Variants in MYRIP observed in about 807,000 individuals in gnomAD.
The protein encoded by MYRIP is myosin VIIA and Rab interacting protein.
In MYRIP, 49 loss-of-function variants were observed where a neutral mutation model predicts 98.0. The observed-to-expected ratio is 0.50, with a 90% CI of 0.40 to 0.63. MYRIP has a LOEUF of 0.63. MYRIP is among the 30% of genes least tolerant of loss of function. The pLI, the probability that MYRIP is intolerant of heterozygous loss-of-function variation, is 0.00. For missense variants in MYRIP, 1,004 were observed against 1,058.2 expected, an observed-to-expected ratio of 0.95 and a Z score of 0.71; for synonymous variants, 404 against 409.5, an observed-to-expected ratio of 0.99 and a Z score of 0.16.
At chr3:40,096,022 A>G (rs1375274104) in intron 3 of MYRIP, among the ~76,000 whole-genome samples, 1 of 150,462 alleles carries the variant, frequency 6.6e-6, no homozygotes, top group Non-Finnish European at 1.5e-5. Flanking sequence ...ACTCCATACC[A>G]TAACACTCCA....
In MYRIP at chr3:40,167,139, C is replaced by G; in HGVS notation, c.649-20C>G. The G allele has an allele frequency of 6.2e-7, 1 of 1,612,362 alleles. No homozygotes were observed. Among genetic ancestry groups the G allele is most frequent in the Non-Finnish European group, 8.5e-7 (1 of 1,178,426 alleles). ...CCCCAAATCCACCCACAGCACACAGCCATTCTCTTCCCTCCTCAGGACAAG... is the reference window on the plus strand; with the variant it reads ...CCCCAAATCCACCCACAGCACACAGGCATTCTCTTCCCTCCTCAGGACAAG... On this transcript the variant is annotated intron_variant, in intron 6 of 16. Coordinates refer to ENST00000302541, the MANE Select transcript of MYRIP (RefSeq NM_015460.4).
At chr3:40,082,259 A>G (rs1052462178) in intron 3 of MYRIP, among the ~76,000 whole-genome samples, 3 of 152,230 alleles carry the variant, frequency 2.0e-5, no homozygotes, top group Non-Finnish European at 2.9e-5. Context: ...ATGTCCAAGG[A>G]ATTTGAAATC....
chr3:39,856,219 G>A (rs1370453116), intron 1 of MYRIP, among the ~76,000 whole-genome samples: 1 of 152,208 alleles, frequency 6.6e-6, no homozygotes, highest in Non-Finnish European at 1.5e-5. Flanking sequence ...TCTTTCAAAT[G>A]ATTTGTGAAT....
chr3:40,024,974 T>C (rs1212178695), intron 2 of MYRIP, among the ~76,000 whole-genome samples: 1 of 152,216 alleles, frequency 6.6e-6, no homozygotes, highest in Non-Finnish European at 1.5e-5. Flanking sequence ...CTTATTTATT[T>C]CTGCAACAAG....
intron 3 of MYRIP, among the ~76,000 whole-genome samples, chr3:40,137,416 C>T (rs1021542395): frequency 6.6e-6 from 1 of 152,108 alleles, no homozygotes; most frequent in African/African-American, 2.4e-5. Flanking sequence ...AAAAAGAGTC[C>T]AGGACCAGAT....
intron 2 of MYRIP, among the ~76,000 whole-genome samples, chr3:39,989,605 G>A (rs376261685): frequency 2.0e-5 from 3 of 152,334 alleles, no homozygotes; most frequent in African/African-American, 7.2e-5. Context: ...GAATTCTTCA[G>A]AACTAGCAGG....
intron 11 of MYRIP, among the ~76,000 whole-genome samples, chr3:40,224,098 AGCG>A (rs1311539428): frequency 6.6e-6 from 1 of 152,144 alleles, no homozygotes; most frequent in Non-Finnish European, 1.5e-5. Flanking sequence ...CCAAGGGAAA[AGCG>A]GCGAGAGAGG....
intron 11 of MYRIP, among the ~76,000 whole-genome samples, chr3:40,211,664 A>G (rs371871876): frequency 6.6e-6 from 1 of 152,184 alleles, no homozygotes; most frequent in Non-Finnish European, 1.5e-5. Flanking sequence ...TGGTAACTGG[A>G]GAATATCACA....
At chr3:40,161,922 C>T (rs1427468355) in intron 4 of MYRIP, among the ~76,000 whole-genome samples, 1 of 152,206 alleles carries the variant, frequency 6.6e-6, no homozygotes. Flanking sequence ...GATGTGGTCA[C>T]CATGAACTGC....
intron 1 of MYRIP, among the ~76,000 whole-genome samples, chr3:39,873,550 T>C (rs1312867440): frequency 6.6e-6 from 1 of 152,246 alleles, no homozygotes; most frequent in Non-Finnish European, 1.5e-5. Context: ...TTCAGCTTTC[T>C]ACATATGGCT....
At chr3:40,099,923 C>T (rs1313372823) in intron 3 of MYRIP, 2 of 891,550 alleles carry the variant, frequency 2.2e-6, no homozygotes, top group Admixed American at 1.2e-4. Context: ...CTCTCTCTCC[C>T]TGTTGCACAT....
At chr3:40,240,588 C>CTTAAAAAAGAGGGCAT (rs1952977861) in intron 12 of MYRIP, among the ~76,000 whole-genome samples, 1 of 152,146 alleles carries the variant, frequency 6.6e-6, no homozygotes, top group Non-Finnish European at 1.5e-5. Flanking sequence ...TTCCGATGGG[C>CTTAAAAAAGAGGGCAT]TTAAAAAAGA....
intron 2 of MYRIP, among the ~76,000 whole-genome samples, chr3:39,980,127 G>A (rs1419009129): frequency 6.6e-6 from 1 of 151,020 alleles, no homozygotes. Flanking sequence ...TGAGACAGGA[G>A]TTCGGGTACA....
chr3:39,997,207 GAC>G lies in MYRIP; in HGVS notation c.111-46839_111-46838del, dbSNP rs771726053. Among the ~76,000 whole-genome samples, 17 of 152,032 alleles carry G rather than the reference GAC, an allele frequency of 1.1e-4. No individual in the cohort carries two copies. In the South Asian group the frequency reaches 3.3e-3, roughly 30 times the overall value. On this transcript the variant is annotated intron_variant, in intron 2 of 16. Transcript: ENST00000302541. ...TCAGAGCAGAACTGAAGGAAATAGA[GAC>G]ACAAAAAACCCTTCAAAAAATCAAT...
At chr3:39,901,022 T>C in intron 2 of MYRIP, 96 bp downstream of exon 2, 1 of 841,688 alleles carries the variant, frequency 1.2e-6, no homozygotes, top group Non-Finnish European at 1.9e-6. Context: ...AGCCCTGAGT[T>C]TGGATATACA....
intron 2 of MYRIP, among the ~76,000 whole-genome samples, chr3:40,038,118 A>G (rs1238361493): frequency 1.7e-5 from 1 of 58,896 alleles, no homozygotes; most frequent in Admixed American, 2.6e-4. Flanking sequence ...AGACGCTCTG[A>G]TCAAAATGTT....
At chr3:39,919,234 C>T (rs1357282264) in intron 2 of MYRIP, among the ~76,000 whole-genome samples, 6 of 152,232 alleles carry the variant, frequency 3.9e-5, no homozygotes, top group Admixed American at 1.3e-4. Context: ...AGAATTCCAG[C>T]TACGCCCTAC....
At chr3:40,038,218 A>G (rs1947426216) in intron 2 of MYRIP, among the ~76,000 whole-genome samples, 1 of 152,184 alleles carries the variant, frequency 6.6e-6, no homozygotes, top group African/African-American at 2.4e-5. Flanking sequence ...ACAATAAAAA[A>G]ATTTCTTATT....
intron 2 of MYRIP, among the ~76,000 whole-genome samples, chr3:40,003,666 A>T (rs914585650): frequency 6.6e-6 from 1 of 152,194 alleles, no homozygotes; most frequent in Non-Finnish European, 1.5e-5. Context: ...AGCTGTATAT[A>T]TATTCTTTCT....
Sources: gnomAD v4.1 joint callset for allele counts (sites outside exome capture counted in the v4.1 genomes callset) on GRCh38, gnomAD v4.1.1 for gene constraint, MANE v1.5 for transcripts, NCBI Gene and HGNC (gene_info 2026-07-23, HGNC 2026-07-21) for gene names.